The following IFITM5 variants were observed in gnomAD, a reference collection of about 807,000 sequenced individuals.
IFITM5 encodes the protein interferon induced transmembrane protein 5.
In IFITM5, 10 loss-of-function variants were observed where a neutral mutation model predicts 9.2. That is an observed-to-expected ratio of 1.09 (90% CI 0.67 to 1.85). The LOEUF (loss-of-function observed/expected upper bound fraction) is 1.85. Ranked by LOEUF, IFITM5 falls within the 40% of genes most tolerant of loss-of-function variation. The pLI is 0.00. For missense variants in IFITM5, 225 were observed against 182.6 expected (o/e 1.23, Z -1.34); for synonymous variants, 93 against 86.6 (o/e 1.07, Z -0.41).
Position 298,329 on chromosome 11 carries a change from G to C in IFITM5, c.*172C>G. 1.4e-6 allele frequency: 1 copy of C among 693,380 alleles called. No homozygotes were observed. The highest frequency in any genetic ancestry group is 2.4e-6 in the Non-Finnish European group (1 of 420,302). The allele number at this position is 693,380 out of a possible 1,614,324, so 43.0% of individuals were successfully genotyped here. ...GGGTGAAGACCCCGGGGTCTGACTG[G>C]TTCAGCCTTAGGTGCCCATGTTGGG... On this transcript the variant is annotated 3_prime_UTR_variant, in exon 2 of 2. Coordinates refer to ENST00000382614, the MANE Select transcript of IFITM5 (RefSeq NM_001025295.3).
Position 298,640 on chromosome 11 carries a change from A to G in IFITM5, c.260T>C (p.Ile87Thr). The change falls in exon 2 of 2, where the codon ATC (isoleucine) becomes ACC (threonine). Residue 87 changes from isoleucine to threonine, a missense_variant. Ile to Thr is a moderately conservative substitution (Grantham distance 89, BLOSUM62 -1). Coordinates refer to ENST00000382614, the MANE Select transcript of IFITM5 (RefSeq NM_001025295.3). ...RFGSKAKCYN[I>T]LAAMWTLVPP... Reference sequence around the variant, plus strand: ...CACCAGCGTCCACATCGCGGCCAGGATGTTGTAGCACTTGGCTTTGGAGCC... The same window carrying G: ...CACCAGCGTCCACATCGCGGCCAGGGTGTTGTAGCACTTGGCTTTGGAGCC... 1 of 1,613,614 alleles carries G rather than the reference A, an allele frequency of 6.2e-7. No individual in the cohort carries two copies. The highest frequency in any genetic ancestry group is 8.5e-7 in the Non-Finnish European group (1 of 1,179,988).
In IFITM5 at chr11:298,394, G is replaced by T; in HGVS notation, c.*107C>A. The T allele has an allele frequency of 8.3e-7, 1 of 1,204,422 alleles. No homozygotes were observed. The highest frequency in any genetic ancestry group is 1.2e-6 in the Non-Finnish European group (1 of 858,850). The allele number at this position is 1,204,422 out of a possible 1,614,324, so 74.6% of individuals were successfully genotyped here. A position where few individuals can be genotyped will look rare whatever the true frequency, so the allele number is the denominator to read the frequency against. On this transcript the variant is annotated 3_prime_UTR_variant, in exon 2 of 2. Coordinates refer to ENST00000382614, the MANE Select transcript of IFITM5 (RefSeq NM_001025295.3). ...GGATCAGGATGGGGCAGGGATGGAG[G>T]CCCCACAGAAGGAGGGCCAGGCTCC...
chr11:299,483 G>C lies in IFITM5; in HGVS notation c.8C>G (p.Thr3Arg). 1 of 1,477,012 alleles carries C rather than the reference G, an allele frequency of 6.8e-7. No individual in the cohort carries two copies. The highest frequency in any genetic ancestry group is 9.0e-7 in the Non-Finnish European group (1 of 1,112,950). The allele number at this position is 1,477,012 out of a possible 1,614,324, so 91.5% of individuals were successfully genotyped here. ...CCGGGTGTCCTCGCGGGGATACGCC[G>C]TGTCCATGGGTTCCAGCGCCGTCTC... MD[T>R]AYPREDTRAP... Residue 3 changes from threonine (T) to arginine (R), a missense_variant, in exon 1 of 2, where the codon ACG becomes AGG. By Grantham distance (71) the Thr-to-Arg change is moderately conservative. Transcript: ENST00000382614.
In IFITM5 at chr11:298,668, A is replaced by T. The variant is rs1845893126; in HGVS notation, c.232T>A (p.Phe78Ile). ...VVGDLEAARRFGSKAKCYNIL... is the reference protein window; with the variant it reads ...VVGDLEAARRIGSKAKCYNIL... ...TTGTAGCACTTGGCTTTGGAGCCAA[A>T]ACGCCGGGCCGCTTCCAGGTCACCA... is the stretch of plus-strand genomic sequence containing the variant. The change falls in exon 2 of 2, where the codon TTT (phenylalanine) becomes ATT (isoleucine). Residue 78 changes from phenylalanine to isoleucine, a missense_variant. Phe to Ile is a conservative substitution (Grantham distance 21). Transcript: ENST00000382614. 6.2e-7 allele frequency: 1 copy of T among 1,613,536 alleles called. No individual in the cohort carries two copies.
Position 299,487 on chromosome 11 carries a change from C to A in IFITM5, c.4G>T (p.Asp2Tyr). Residue 2 changes from aspartate (D) to tyrosine (Y), a missense_variant, in exon 1 of 2, where the codon GAC (aspartate) becomes TAC (tyrosine). Asp to Tyr is a radical substitution (Grantham distance 160). Transcript: ENST00000382614. Reference sequence around the variant, plus strand: ...GTGTCCTCGCGGGGATACGCCGTGTCCATGGGTTCCAGCGCCGTCTCTTCC... The same window carrying A: ...GTGTCCTCGCGGGGATACGCCGTGTACATGGGTTCCAGCGCCGTCTCTTCC... MDTAYPREDTRA... is the reference protein window; with the variant it reads MYTAYPREDTRA... 1 of 1,475,180 alleles carries A rather than the reference C, an allele frequency of 6.8e-7. No homozygotes were observed. Among genetic ancestry groups the A allele is most frequent in the Admixed American group, 2.5e-5 (1 of 40,620 alleles). 91.4% of individuals were successfully genotyped at this position (1,475,180 alleles called of 1,614,324 possible).
At position 298,393 on chromosome 11, in the gene IFITM5, G is replaced by T. The variant is rs1845889040; in HGVS notation, c.*108C>A. ...AGGATCAGGATGGGGCAGGGATGGA[G>T]GCCCCACAGAAGGAGGGCCAGGCTC... On this transcript the variant is annotated 3_prime_UTR_variant, in exon 2 of 2. Coordinates refer to ENST00000382614, the MANE Select transcript of IFITM5 (RefSeq NM_001025295.3). 3 of 1,194,230 alleles carry T rather than the reference G, an allele frequency of 2.5e-6. No homozygotes were observed. The highest frequency in any genetic ancestry group is 3.5e-6 in the Non-Finnish European group (3 of 849,802). 74.0% of individuals were successfully genotyped at this position (1,194,230 alleles called of 1,614,324 possible). A position where few individuals can be genotyped will look rare whatever the true frequency, so the allele number is the denominator to read the frequency against.
At chr11:298,861 G>T in intron 1 of IFITM5, 148 bp from the exon 2 acceptor site, 1 of 779,202 alleles carries the variant, frequency 1.3e-6, no homozygotes, top group Non-Finnish European at 2.0e-6. Flanking sequence ...TACTCCTTGG[G>T]GCCCCAGCTA....
rs760636343 is a variant in IFITM5 at position 298,663 on chromosome 11, G to A, written c.237C>T (p.Gly79=). ...GGATGTTGTAGCACTTGGCTTTGGAGCCAAAACGCCGGGCCGCTTCCAGGT... is the reference window on the plus strand; with the variant it reads ...GGATGTTGTAGCACTTGGCTTTGGAACCAAAACGCCGGGCCGCTTCCAGGT... ...VGDLEAARRF[G]SKAKCYNILA... Residue 79 remains glycine, a synonymous_variant, in exon 2 of 2, where the codon GGC becomes GGT. Coordinates refer to ENST00000382614, the MANE Select transcript of IFITM5 (RefSeq NM_001025295.3). The A allele has an allele frequency of 7.4e-6, 12 of 1,613,574 alleles. No individual in the cohort carries two copies. The highest frequency in any genetic ancestry group is 1.3e-5 in the African/African-American group (1 of 74,944).
chr11:299,196 C>G, intron 1 of IFITM5, 109 bp downstream of exon 1: 32 of 766,728 alleles, frequency 4.2e-5, no homozygotes, highest in Non-Finnish European at 5.8e-5. Context: ...CCCCCCGCGG[C>G]CCCCAGCACG....
intron 1 of IFITM5, 71 bp from the exon 2 acceptor site, chr11:298,784 C>G: frequency 2.1e-6 from 3 of 1,411,732 alleles, no homozygotes; most frequent in Non-Finnish European, 2.9e-6. Context: ...TCCCCACCCA[C>G]ACCCTGGGCA....
Position 298,270 on chromosome 11 carries a change from G to T in IFITM5, c.*231C>A. 1 of 575,350 alleles carries T rather than the reference G, an allele frequency of 1.7e-6. No homozygotes were observed. 35.6% of individuals were successfully genotyped at this position (575,350 alleles called of 1,614,324 possible). On this transcript the variant is annotated 3_prime_UTR_variant, in exon 2 of 2. Coordinates refer to ENST00000382614, the MANE Select transcript of IFITM5 (RefSeq NM_001025295.3). ...GTGTGAGGAGGGAGGGGCAGGATCG[G>T]GGGCAGAGTTAGGGCCCGGGAACTC...
In IFITM5 at chr11:299,408, G is replaced by A. The variant is rs765481203; in HGVS notation, c.83C>T (p.Ala28Val). 6.4e-6 allele frequency: 10 copies of A among 1,564,548 alleles called. No individual in the cohort carries two copies. The South Asian group carries it at 9.4e-5, about 15-fold the overall frequency. ...AGAHTALTLG[A>V]PHPPPRDHLI... ...GTGGTCTCGAGGCGGGGGGTGCGGG[G>A]CCCCCAGTGTGAGGGCTGTGTGGGC... Residue 28 changes from alanine to valine, a missense_variant, in exon 1 of 2, where the codon GCC (alanine) becomes GTC (valine). Physicochemically the swap from Ala to Val is moderately conservative, Grantham distance 64. Coordinates refer to ENST00000382614, the MANE Select transcript of IFITM5 (RefSeq NM_001025295.3).
At chr11:298,879 G>C (rs182943200) in intron 1 of IFITM5, among the ~76,000 whole-genome samples, 166 bp from the exon 2 acceptor site, 2 of 152,150 alleles carry the variant, frequency 1.3e-5, no homozygotes, top group African/African-American at 4.8e-5. Context: ...CTATGGACCC[G>C]GGGGCCATCC....
chr11:299,328 G>C lies in IFITM5; in HGVS notation c.163C>G (p.Leu55Val). 2 of 1,601,916 alleles carry C rather than the reference G, an allele frequency of 1.2e-6. No individual in the cohort carries two copies. Among genetic ancestry groups the C allele is most frequent in the Middle Eastern group, 1.7e-4 (1 of 6,038 alleles). ...ACCTTGATGGAGTAGGCCAGCGCCA[G>C]GAAGCCGAGGCAACACAGATTCAGG... ...LYLNLCCLGFLALAYSIKARD... is the reference protein window; with the variant it reads ...LYLNLCCLGFVALAYSIKARD... Residue 55 changes from leucine to valine, a missense_variant, in exon 1 of 2, where the codon CTG becomes GTG. Coordinates refer to ENST00000382614, the MANE Select transcript of IFITM5 (RefSeq NM_001025295.3).
chr11:298,600 G>T lies in IFITM5; in HGVS notation c.300C>A (p.Leu100=). 1 of 1,613,662 alleles carries T rather than the reference G, an allele frequency of 6.2e-7. No homozygotes were observed. The highest frequency in any genetic ancestry group is 8.5e-7 in the Non-Finnish European group (1 of 1,180,008). Residue 100 remains leucine, a synonymous_variant, in exon 2 of 2, where the codon CTC becomes CTA. Coordinates refer to ENST00000382614, the MANE Select transcript of IFITM5 (RefSeq NM_001025295.3). ...AMWTLVPPLL[L]LGLVVTGALH... Reference sequence around the variant, plus strand: ...GGGCACCAGTCACCACCAGCCCCAGGAGCAGCAGTGGCGGCACCAGCGTCC... The same window carrying T: ...GGGCACCAGTCACCACCAGCCCCAGTAGCAGCAGTGGCGGCACCAGCGTCC...
intron 1 of IFITM5, 56 bp from the exon 2 acceptor site, chr11:298,769 G>T (rs574425931): frequency 1.4e-5 from 21 of 1,521,740 alleles, no homozygotes; most frequent in Non-Finnish European, 1.7e-5. Context: ...GGGCCTGGGG[G>T]CCCTTCCCCA....
rs144099368 is a variant in IFITM5, at chr11:298,506, C to T, written c.394G>A (p.Asp132Asn). The change falls in exon 2 of 2, where the codon GAC (aspartate) becomes AAC (asparagine). Residue 132 changes from aspartate (D) to asparagine (N), a missense_variant. Physicochemically the swap from Asp to Asn is conservative, Grantham distance 23 (BLOSUM62 1). Transcript: ENST00000382614. ...CCAGATCAGGACCCAGCCTGTCAGTCATAGTCCGCGTCATCAAACTTGGTG... is the reference window on the plus strand; with the variant it reads ...CCAGATCAGGACCCAGCCTGTCAGTTATAGTCCGCGTCATCAAACTTGGTG... ...FSTKFDDADY[D>N] is the part of the protein sequence containing the mutation. The T allele has an allele frequency of 1.2e-6, 2 of 1,610,688 alleles. No homozygotes were observed. Among genetic ancestry groups the T allele is most frequent in the Non-Finnish European group, 1.7e-6 (2 of 1,179,632 alleles).
intron 1 of IFITM5, 119 bp from the exon 2 acceptor site, chr11:298,832 G>T: frequency 1.0e-6 from 1 of 988,978 alleles, no homozygotes; most frequent in Non-Finnish European, 1.5e-6. Context: ...TCTGGATGGA[G>T]GGGTGTGGCC....
chr11:299,262 G>A, intron 1 of IFITM5, 43 bp downstream of exon 1: 1 of 1,468,432 alleles, frequency 6.8e-7, no homozygotes, highest in Non-Finnish European at 9.2e-7. Context: ...CCTTGATGGA[G>A]TAGTGGAGCC....
Sources: allele counts gnomAD v4.1 joint callset (sites outside exome capture counted in the v4.1 genomes callset), GRCh38; gene constraint gnomAD v4.1.1; transcripts MANE v1.5; gene names NCBI Gene and HGNC (gene_info 2026-07-23, HGNC 2026-07-21).